BMPER: variants seen among roughly 807,000 people sequenced by gnomAD.
The protein encoded by BMPER is BMP-binding endothelial regulator protein.
Under a neutral mutation model 87.3 loss-of-function variants are expected in BMPER, and 45 were observed. The observed-to-expected ratio is 0.52, with a 90% CI of 0.41 to 0.66. The LOEUF is 0.66. Among genes scored for constraint, BMPER ranks in the 30% least tolerant of loss-of-function variants. The pLI is 0.00. For missense variants in BMPER, 784 were observed against 867.5 expected (o/e 0.90, Z 1.21); for synonymous variants, 326 against 316.2 (o/e 1.03, Z -0.33).
intron 3 of BMPER, among the ~76,000 whole-genome samples, chr7:33,942,599 C>T (rs569435876): frequency 2.6e-5 from 4 of 152,218 alleles, no homozygotes; most frequent in South Asian, 2.1e-4. Context: ...AGACAAACAA[C>T]GGAAAGGAAG....
Position 34,061,921 on chromosome 7 carries a change from T to C in BMPER, c.1033-81T>C, listed in dbSNP as rs570893246. 4.9e-5 allele frequency: 59 copies of C among 1,198,888 alleles called. No individual in the cohort carries two copies. The African/African-American group carries it at 8.6e-4, about 18-fold the overall frequency. The allele number at this position is 1,198,888 out of a possible 1,614,324, so 74.3% of individuals were successfully genotyped here. A position where few individuals can be genotyped will look rare whatever the true frequency, so the allele number is the denominator to read the frequency against. On this transcript the variant is annotated intron_variant, in intron 10 of 14. Coordinates refer to ENST00000649409, the MANE Select transcript of BMPER (RefSeq NM_001365308.1). ...CATTGGTTTATCTTGTATTAGATTTTAAAAAGATATTTGTCCTCAGGAGAC... is the reference window on the plus strand; with the variant it reads ...CATTGGTTTATCTTGTATTAGATTTCAAAAAGATATTTGTCCTCAGGAGAC...
At chr7:34,093,286 C>T (rs1407869332) in intron 13 of BMPER, among the ~76,000 whole-genome samples, 1 of 152,218 alleles carries the variant, frequency 6.6e-6, no homozygotes. Context: ...ACCAGCAATG[C>T]TCACCCAAGC....
intron 11 of BMPER, among the ~76,000 whole-genome samples, chr7:34,065,199 A>ACACT (rs1298854336): frequency 2.1e-5 from 2 of 94,122 alleles, no homozygotes; most frequent in African/African-American, 3.9e-5. Flanking sequence ...ACACATACAC[A>ACACT]CTCACTCTCT....
intron 6 of BMPER, among the ~76,000 whole-genome samples, chr7:34,014,740 A>C (rs1026521528): frequency 6.6e-6 from 1 of 151,998 alleles, no homozygotes; most frequent in Non-Finnish European, 1.5e-5. Flanking sequence ...AAGCCTTCAT[A>C]AATATTTTTA....
intron 13 of BMPER, among the ~76,000 whole-genome samples, chr7:34,116,485 T>C (rs1400476029): frequency 6.6e-6 from 1 of 152,242 alleles, no homozygotes; most frequent in African/African-American, 2.4e-5. Flanking sequence ...GCTCATTTTC[T>C]CTGTCTCTCT....
chr7:34,121,099 G>C (rs1186067387), intron 13 of BMPER, among the ~76,000 whole-genome samples: 1 of 151,412 alleles, frequency 6.6e-6, no homozygotes, highest in Admixed American at 6.6e-5. Context: ...AATGTATTAT[G>C]TTACTAAAAT....
chr7:34,019,967 T>TTC (rs1562692669), intron 6 of BMPER, among the ~76,000 whole-genome samples: 1 of 147,858 alleles, frequency 6.8e-6, no homozygotes. Flanking sequence ...TTTTTTTTTT[T>TTC]CCCCAGGCTG....
intron 13 of BMPER, among the ~76,000 whole-genome samples, chr7:34,101,533 A>T (rs1789682236): frequency 6.6e-6 from 1 of 152,230 alleles, no homozygotes; most frequent in African/African-American, 2.4e-5. Context: ...CACAGTTATG[A>T]GTTGTAAGGT....
intron 12 of BMPER, among the ~76,000 whole-genome samples, chr7:34,081,090 A>G (rs1789035488): frequency 6.6e-6 from 1 of 152,174 alleles, no homozygotes. Context: ...CGAATCACAC[A>G]AGCCCTCTGC....
chr7:33,937,513 G>GGTGTGTGT (rs376953621), intron 3 of BMPER, 125 bp downstream of exon 3: 8,140 of 731,940 alleles, frequency 0.011, 27 homozygotes, highest in Non-Finnish European at 0.014. Flanking sequence ...GGAGAAGTAG[G>GGTGTGTGT]GTGTGTGTGT....
chr7:34,047,686 C>T (rs1285575463), intron 7 of BMPER, among the ~76,000 whole-genome samples: 1 of 152,092 alleles, frequency 6.6e-6, no homozygotes, highest in Non-Finnish European at 1.5e-5. Context: ...ATAGAAACTC[C>T]AGCAACCTCC....
chr7:33,926,073 T>A (rs1784351490), intron 2 of BMPER, among the ~76,000 whole-genome samples: 1 of 152,194 alleles, frequency 6.6e-6, no homozygotes. Context: ...TGTTTATGCT[T>A]TAGTCTCTCT....
At chr7:33,911,516 G>A (rs1002528346) in intron 2 of BMPER, among the ~76,000 whole-genome samples, 3 of 152,202 alleles carry the variant, frequency 2.0e-5, no homozygotes, top group African/African-American at 7.2e-5. Context: ...AGTTATAGTG[G>A]TTTTGATCTT....
Position 34,055,807 on chromosome 7 carries a change from G to A in BMPER, c.927+504G>A, listed in dbSNP as rs570094536. Among the ~76,000 whole-genome samples, 3 of 152,286 alleles carry A rather than the reference G, an allele frequency of 2.0e-5. No homozygotes were observed. The South Asian group carries it at 6.2e-4, about 32-fold the overall frequency. On this transcript the variant is annotated intron_variant, in intron 9 of 14. Coordinates refer to ENST00000649409, the MANE Select transcript of BMPER (RefSeq NM_001365308.1). ...GAGCTCTGCCCAGCTGAATGGAAAA[G>A]GTTGTCTTTTGGCCATCTGTTACCA...
intron 2 of BMPER, among the ~76,000 whole-genome samples, chr7:33,921,528 C>T (rs1170219116): frequency 2.6e-5 from 4 of 152,178 alleles, no homozygotes; most frequent in Admixed American, 2.6e-4. Context: ...AGAGAATACC[C>T]CCCGGGGTCA....
chr7:33,905,444 CG>C, upstream of BMPER: 5 of 272,498 alleles, frequency 1.8e-5, no homozygotes, highest in South Asian at 3.5e-5. Context: ...TCTCTCCCCC[CG>C]CCCTCCCTCA....
Position 34,129,630 on chromosome 7 carries a change from G to GAGAAAGAGAGAAAGAGAGAAAGAA in BMPER, c.1746-13593_1746-13592insGAGAAAGAGAGAAAGAAAGAAAGA, listed in dbSNP as rs1790515715. Among the ~76,000 whole-genome samples the GAGAAAGAGAGAAAGAGAGAAAGAA allele has an allele frequency of 2.8e-4, 16 of 56,272 alleles. 1 individual carries two copies. Among genetic ancestry groups the GAGAAAGAGAGAAAGAGAGAAAGAA allele is most frequent in the African/African-American group, 1.1e-3 (16 of 14,444 alleles). 36.9% of individuals were successfully genotyped at this position (56,272 alleles called of 152,430 possible). On this transcript the variant is annotated intron_variant, in intron 13 of 14. Coordinates refer to ENST00000649409, the MANE Select transcript of BMPER (RefSeq NM_001365308.1). ...AGAGAAAGAGAGAGAGAGAGAAAGA[G>GAGAAAGAGAGAAAGAGAGAAAGAA]AGAAAGAAAGAAAGAAAGAAAGAAA...
chr7:33,983,040 G>A (rs1785906153), intron 6 of BMPER, among the ~76,000 whole-genome samples: 1 of 152,172 alleles, frequency 6.6e-6, no homozygotes, highest in Non-Finnish European at 1.5e-5. Flanking sequence ...ATGTTCATGA[G>A]CATAGTTGAG....
chr7:33,965,275 A>G (rs1562656463), intron 3 of BMPER, among the ~76,000 whole-genome samples: 1 of 152,230 alleles, frequency 6.6e-6, no homozygotes, highest in Non-Finnish European at 1.5e-5. Context: ...AGTATTACTG[A>G]GCCCTTTTCA....
Sources: allele counts gnomAD v4.1 joint callset (sites outside exome capture counted in the v4.1 genomes callset), GRCh38; gene constraint gnomAD v4.1.1; transcripts MANE v1.5; gene names NCBI Gene and HGNC (gene_info 2026-07-23, HGNC 2026-07-21).